The following GNA11 variants were observed in gnomAD, a reference collection of about 807,000 sequenced individuals.
The protein encoded by GNA11 is G protein subunit alpha 11.
GNA11 carries 8 observed loss-of-function variants against 38.2 expected under a neutral mutation model. The ratio of observed to expected loss-of-function variants is 0.21; its 90% CI spans 0.12 to 0.38. GNA11 has a LOEUF of 0.38. GNA11 is among the 10% of genes least tolerant of loss of function. GNA11 has a pLI of 1.00. For missense variants in GNA11, 268 were observed against 516.3 expected, an observed-to-expected ratio of 0.52 and a Z score of 4.66; for synonymous variants, 211 against 221.4, an observed-to-expected ratio of 0.95 and a Z score of 0.42.
chr19:3,102,952 C>T (rs1913541265), intron 1 of GNA11, among the ~76,000 whole-genome samples: 1 of 152,352 alleles, frequency 6.6e-6, no homozygotes, highest in South Asian at 2.1e-4. Context: ...TGTGTATCCC[C>T]CAGGTGGGGC....
chr19:3,118,627 A>G (rs1423108784), intron 4 of GNA11: 1 of 363,996 alleles, frequency 2.7e-6, no homozygotes, highest in African/African-American at 2.1e-5. Flanking sequence ...AGGTTCCCGC[A>G]GCAGCTGGCG....
chr19:3,110,019 G>C lies in GNA11; in HGVS notation c.137-130G>C, dbSNP rs1467773420. The C allele has an allele frequency of 1.8e-5, 12 of 665,338 alleles. No homozygotes were observed. The African/African-American group carries it at 2.2e-4, about 12-fold the overall frequency. 41.2% of individuals were successfully genotyped at this position (665,338 alleles called of 1,614,324 possible). A position where few individuals can be genotyped will look rare whatever the true frequency, so the allele number is the denominator to read the frequency against. ...AGGAGGCCGTGGCGTCTGGTGGAGA[G>C]ACGGTCAGCCTCACGTGCCTTGGTT... is the stretch of plus-strand genomic sequence containing the variant. On this transcript the variant is annotated intron_variant, in intron 1 of 6. Transcript: ENST00000078429. The surrounding 1 kb of genome is among the most constrained non-coding windows in gnomAD (Gnocchi z 5.4).
chr19:3,114,729 C>A (rs966507686), intron 3 of GNA11, among the ~76,000 whole-genome samples: 3 of 152,196 alleles, frequency 2.0e-5, no homozygotes, highest in African/African-American at 7.2e-5. Context: ...CCCTGAGACC[C>A]CAGAGAGGAT....
Position 3,123,703 on chromosome 19 carries a change from GC to G in GNA11, c.*2526del, listed in dbSNP as rs1914147292. On this transcript the variant is annotated 3_prime_UTR_variant, in exon 7 of 7. Coordinates refer to ENST00000078429, the MANE Select transcript of GNA11 (RefSeq NM_002067.5). ...GTGGTGGCAGCAGATCCTGTGGCCGGCCTGGCGGACGGGACCCAGTGATACT... is the reference window on the plus strand; with the variant it reads ...GTGGTGGCAGCAGATCCTGTGGCCGGCTGGCGGACGGGACCCAGTGATACT... 1 of 233,014 alleles carries G rather than the reference GC, an allele frequency of 4.3e-6. No homozygotes were observed. Among genetic ancestry groups the G allele is most frequent in the South Asian group, 1.8e-4 (1 of 5,530 alleles). 14.4% of individuals were successfully genotyped at this position (233,014 alleles called of 1,614,324 possible).
In GNA11 at chr19:3,119,356, G is replaced by A. The variant is rs1208131352; in HGVS notation, c.886G>A (p.Asp296Asn). The change falls in exon 6 of 7, where the codon GAT (aspartate) becomes AAT (asparagine). Residue 296 changes from aspartate to asparagine, a missense_variant. Physicochemically the swap from Asp to Asn is conservative, Grantham distance 23. Coordinates refer to ENST00000078429, the MANE Select transcript of GNA11 (RefSeq NM_002067.5). The surrounding 1 kb of genome is among the most constrained non-coding windows in gnomAD (Gnocchi z 4.6). ...CCTGGTGGACTACTTCCCCGAGTTC[G>A]ATGGTGCGCCGGGCTGCGGCATGGG... ...SHLVDYFPEF[D>N]GPQRDAQAAR... 2.5e-6 allele frequency: 4 copies of A among 1,613,414 alleles called. No homozygotes were observed. Among genetic ancestry groups the A allele is most frequent in the African/African-American group, 1.3e-5 (1 of 74,994 alleles).
Position 3,113,326 on chromosome 19 carries a change from G to T in GNA11, c.322-4G>T. 2 of 1,608,224 alleles carry T rather than the reference G, an allele frequency of 1.2e-6. No homozygotes were observed. Among genetic ancestry groups the T allele is most frequent in the East Asian group, 2.2e-5 (1 of 44,788 alleles). The stretch of plus-strand genomic sequence containing the variant: ...CTCGACGTCTCCCCTGCCCGCCCTC[G>T]CAGGCCAATGCGCTCCTGATCCGGG... On this transcript the variant is annotated splice_region_variant and splice_polypyrimidine_tract_variant and intron_variant, in intron 2 of 6. Coordinates refer to ENST00000078429, the MANE Select transcript of GNA11 (RefSeq NM_002067.5).
chr19:3,094,941 T>A lies in GNA11; in HGVS notation c.136+154T>A, dbSNP rs75220347. Among the ~76,000 whole-genome samples, 5 of 145,986 alleles carry A rather than the reference T, an allele frequency of 3.4e-5. No homozygotes were observed. The East Asian group carries it at 1.0e-3, about 30-fold the overall frequency. Reference sequence around the variant, plus strand: ...GGGTCAGCCCTGCCTGTGCCTTCCCTGCCTGTCCGGGTCGCGGGACCCTCG... The same window carrying A: ...GGGTCAGCCCTGCCTGTGCCTTCCCAGCCTGTCCGGGTCGCGGGACCCTCG... On this transcript the variant is annotated intron_variant, in intron 1 of 6. Transcript: ENST00000078429. This position sits in a 1 kb window ranked among gnomAD's most constrained non-coding sequence, Gnocchi z 6.0.
Position 3,109,547 on chromosome 19 carries a change from C to T in GNA11, c.137-602C>T, listed in dbSNP as rs183529228. On this transcript the variant is annotated intron_variant, in intron 1 of 6. Transcript: ENST00000078429. ...TGTGCTCAGGGCCACCTGTGGCAGG[C>T]ACAACGGTCCTGGCTGACCCCGCCA... Among the ~76,000 whole-genome samples the T allele has an allele frequency of 1.2e-3, 188 of 152,292 alleles. 3 individuals carry two copies. The East Asian group carries it at 0.031, about 25-fold the overall frequency.
intron 2 of GNA11, 75 bp from the exon 3 acceptor site, chr19:3,113,255 A>T: frequency 7.0e-7 from 1 of 1,425,174 alleles, no homozygotes; most frequent in Non-Finnish European, 9.9e-7. Flanking sequence ...GGCCTGGAAG[A>T]GGGGCCGTCA....
rs1187460310 is a variant in GNA11, at chr19:3,121,957, C to T, written c.*778C>T. 4.7e-5 allele frequency: 11 copies of T among 233,010 alleles called. No homozygotes were observed. Among genetic ancestry groups the T allele is most frequent in the East Asian group, 1.2e-4 (2 of 16,564 alleles). The allele number at this position is 233,010 out of a possible 1,614,324, so 14.4% of individuals were successfully genotyped here. On this transcript the variant is annotated 3_prime_UTR_variant, in exon 7 of 7. Transcript: ENST00000078429. ...CTCTGCAGAGGCTGGGAAGGGTCCC[C>T]GGGCTGGAGCCACGGGGGCTTCTCT...
chr19:3,096,183 C>T (rs1300276081), intron 1 of GNA11, among the ~76,000 whole-genome samples: 5 of 152,156 alleles, frequency 3.3e-5, no homozygotes, highest in African/African-American at 1.2e-4. Flanking sequence ...CTCCGTGTCC[C>T]GGGTTACAGA....
chr19:3,117,984 T>A (rs1047258796), intron 4 of GNA11: 2 of 152,234 alleles, frequency 1.3e-5, no homozygotes, highest in African/African-American at 4.8e-5. Flanking sequence ...GCACACCCAC[T>A]GTCCTCCCGC....
chr19:3,100,273 C>G (rs1203336714), intron 1 of GNA11, among the ~76,000 whole-genome samples: 2 of 152,186 alleles, frequency 1.3e-5, no homozygotes, highest in Non-Finnish European at 2.9e-5. Context: ...TCCACCCACA[C>G]CAGACCAGGA....
At chr19:3,102,078 C>T (rs752417623) in intron 1 of GNA11, among the ~76,000 whole-genome samples, 6 of 151,656 alleles carry the variant, frequency 4.0e-5, no homozygotes, top group East Asian at 1.9e-4. Flanking sequence ...CCTGGGCGAC[C>T]GAGGGAGAGG....
rs1158680732 is a variant in GNA11, at chr19:3,121,164, G to A, written c.1065G>A (p.Glu355=). 4 of 1,613,148 alleles carry A rather than the reference G, an allele frequency of 2.5e-6. No homozygotes were observed. Among genetic ancestry groups the A allele is most frequent in the African/African-American group, 1.3e-5 (1 of 74,900 alleles). Residue 355 remains glutamate, a synonymous_variant, in exon 7 of 7, where the codon GAG becomes GAA. Coordinates refer to ENST00000078429, the MANE Select transcript of GNA11 (RefSeq NM_002067.5). ...CCATCCTGCAGCTCAACCTCAAGGAGTACAACCTGGTCTGAGCGCCCAGGC... is the reference window on the plus strand; with the variant it reads ...CCATCCTGCAGCTCAACCTCAAGGAATACAACCTGGTCTGAGCGCCCAGGC... ...KDTILQLNLK[E]YNLV
rs375505077 is a variant in GNA11, at chr19:3,094,720, C to T, written c.69C>T (p.Ala23=). Residue 23 remains alanine (A), a synonymous_variant, in exon 1 of 7, where the codon GCC becomes GCT. Transcript: ENST00000078429. This position sits in a 1 kb window ranked among gnomAD's most constrained non-coding sequence, Gnocchi z 6.0. ...TGAAGGAGTCCAAGCGGATCAACGC[C>T]GAGATCGAGAAGCAGCTGCGGCGGG... ...DEVKESKRIN[A]EIEKQLRRDK... is the part of the protein sequence containing the mutation. 5.7e-6 allele frequency: 9 copies of T among 1,591,122 alleles called. No homozygotes were observed. The highest frequency in any genetic ancestry group is 1.7e-5 in the Admixed American group (1 of 58,422).
At chr19:3,106,170 C>G (rs1460132391) in intron 1 of GNA11, among the ~76,000 whole-genome samples, 3 of 151,988 alleles carry the variant, frequency 2.0e-5, no homozygotes, top group Non-Finnish European at 4.4e-5. Context: ...ACATGGCTGC[C>G]GGTCGGGTGG....
At chr19:3,116,289 C>T (rs7251897) in intron 4 of GNA11, among the ~76,000 whole-genome samples, 7,494 of 152,268 alleles carry the variant, frequency 0.049, 393 homozygotes, top group African/African-American at 0.14. Context: ...TTATGCGTGC[C>T]TGTCCTGGGC....
chr19:3,118,668 C>T, intron 4 of GNA11: 2 of 461,446 alleles, frequency 4.3e-6, no homozygotes, highest in Non-Finnish European at 7.8e-6. Context: ...CACACCCCCA[C>T]ACTAGCGCCC....
Sources: gnomAD v4.1 joint callset for allele counts (sites outside exome capture counted in the v4.1 genomes callset) on GRCh38, gnomAD v4.1.1 for gene constraint, Gnocchi (gnomAD v3.1) non-coding constraint, MANE v1.5 for transcripts, NCBI Gene and HGNC (gene_info 2026-07-23, HGNC 2026-07-21) for gene names.